The following SERTAD2 variants were observed in gnomAD, a reference collection of about 807,000 sequenced individuals.
The protein encoded by SERTAD2 is SERTA domain containing 2, also known as SERTA domain-containing protein 2.
In SERTAD2, 2 loss-of-function variants were observed where a neutral mutation model predicts 15.4. That is an observed-to-expected ratio of 0.13 (90% CI 0.05 to 0.41). The LOEUF is 0.41. Ranked by LOEUF, SERTAD2 falls within the 10% of genes least tolerant of loss-of-function variation. The probability of loss-of-function intolerance (pLI) is 0.99; values close to 1 mark genes in which losing one functional copy is unlikely to be tolerated. For synonymous variants in SERTAD2, 180 were observed against 178.0 expected (o/e 1.01, Z -0.09); for missense variants, 333 against 409.7 (o/e 0.81, Z 1.62).
rs1338673394 is a variant in SERTAD2 at position 64,634,024 on chromosome 2, T to C, written c.*1903A>G. On this transcript the variant is annotated 3_prime_UTR_variant, in exon 2 of 2. Transcript: ENST00000313349. Reference sequence around the variant, plus strand: ...GTGCCATTTTATAAAGTTGTCTTTTTTAATTAGCCAGAAAGACCCAATTTT... The same window carrying C: ...GTGCCATTTTATAAAGTTGTCTTTTCTAATTAGCCAGAAAGACCCAATTTT... 1 of 152,768 alleles carries C rather than the reference T, an allele frequency of 6.5e-6. No homozygotes were observed. The highest frequency in any genetic ancestry group is 3.4e-3 in the Middle Eastern group (1 of 294). The allele number at this position is 152,768 out of a possible 1,614,324, so 9.5% of individuals were successfully genotyped here. A position where few individuals can be genotyped will look rare whatever the true frequency, so the allele number is the denominator to read the frequency against.
At chr2:64,650,774 T>A (rs1186232653) in intron 1 of SERTAD2, among the ~76,000 whole-genome samples, 1 of 152,236 alleles carries the variant, frequency 6.6e-6, no homozygotes, top group African/African-American at 2.4e-5. Context: ...GCATATAAAG[T>A]GGCCATGGCA....
At chr2:64,644,376 T>A (rs1460267743) in intron 1 of SERTAD2, among the ~76,000 whole-genome samples, 1 of 152,228 alleles carries the variant, frequency 6.6e-6, no homozygotes, top group Non-Finnish European at 1.5e-5. Context: ...CCCAGTGCGT[T>A]TAGGACCCTG....
intron 1 of SERTAD2, among the ~76,000 whole-genome samples, chr2:64,641,520 C>T (rs1674778320): frequency 6.6e-6 from 1 of 152,154 alleles, no homozygotes; most frequent in African/African-American, 2.4e-5. Flanking sequence ...ACTTCTGTAC[C>T]CTCAGCATAA....
At chr2:64,639,678 C>T (rs987419906) in intron 1 of SERTAD2, among the ~76,000 whole-genome samples, 1 of 152,128 alleles carries the variant, frequency 6.6e-6, no homozygotes, top group Non-Finnish European at 1.5e-5. Flanking sequence ...CTGCATTTTT[C>T]TAGAAATAAT....
rs1278232721 is a variant in SERTAD2, at chr2:64,635,060, G to C, written c.*867C>G. 1 of 152,666 alleles carries C rather than the reference G, an allele frequency of 6.6e-6. No homozygotes were observed. The highest frequency in any genetic ancestry group is 1.5e-5 in the Non-Finnish European group (1 of 68,050). 9.5% of individuals were successfully genotyped at this position (152,666 alleles called of 1,614,324 possible). On this transcript the variant is annotated 3_prime_UTR_variant, in exon 2 of 2. Transcript: ENST00000313349. ...TACTGGCGGGTGTTGGTGCCAGGGG[G>C]TCAGTGCTTGTGAAATTTGGGTGTG...
Position 64,634,915 on chromosome 2 carries a change from C to A in SERTAD2, c.*1012G>T, listed in dbSNP as rs755907137. The A allele has an allele frequency of 6.6e-6, 1 of 152,652 alleles. No homozygotes were observed. The highest frequency in any genetic ancestry group is 1.5e-5 in the Non-Finnish European group (1 of 68,024). The allele number at this position is 152,652 out of a possible 1,614,324, so 9.5% of individuals were successfully genotyped here. A position where few individuals can be genotyped will look rare whatever the true frequency, so the allele number is the denominator to read the frequency against. On this transcript the variant is annotated 3_prime_UTR_variant, in exon 2 of 2. Coordinates refer to ENST00000313349, the MANE Select transcript of SERTAD2 (RefSeq NM_014755.3). Reference sequence around the variant, plus strand: ...ACTCTTAAGAAAGACAGTAGCTTTACCCTCAAAAGAGGGAGCAAAAGAGAA... The same window carrying A: ...ACTCTTAAGAAAGACAGTAGCTTTAACCTCAAAAGAGGGAGCAAAAGAGAA...
At chr2:64,640,007 C>T (rs569108162) in intron 1 of SERTAD2, among the ~76,000 whole-genome samples, 2 of 152,156 alleles carry the variant, frequency 1.3e-5, no homozygotes, top group Admixed American at 6.5e-5. Context: ...GGTGTGAATA[C>T]GGACCCCTGA....
At chr2:64,646,965 G>A (rs1056003481) in intron 1 of SERTAD2, among the ~76,000 whole-genome samples, 1 of 152,150 alleles carries the variant, frequency 6.6e-6, no homozygotes, top group Non-Finnish European at 1.5e-5. Context: ...ATAGATAGAC[G>A]CCTTTACTGG....
chr2:64,641,810 G>A (rs894054394), intron 1 of SERTAD2, among the ~76,000 whole-genome samples: 2 of 152,188 alleles, frequency 1.3e-5, no homozygotes, highest in Non-Finnish European at 1.5e-5. Flanking sequence ...AGCTCCAGCT[G>A]AGAAGCTCTT....
intron 1 of SERTAD2, among the ~76,000 whole-genome samples, chr2:64,652,346 C>T (rs1192809986): frequency 6.6e-6 from 1 of 152,090 alleles, no homozygotes; most frequent in South Asian, 2.1e-4. Flanking sequence ...CAACCCCCAT[C>T]GGCCAAGCAG....
chr2:64,644,106 GAGA>G (rs888884591), intron 1 of SERTAD2, among the ~76,000 whole-genome samples: 2 of 152,208 alleles, frequency 1.3e-5, no homozygotes, highest in African/African-American at 4.8e-5. Context: ...ATTGTCTTAT[GAGA>G]AGGCTGGCAG....
At chr2:64,641,096 T>C (rs1674766546) in intron 1 of SERTAD2, among the ~76,000 whole-genome samples, 1 of 152,242 alleles carries the variant, frequency 6.6e-6, no homozygotes, top group African/African-American at 2.4e-5. Flanking sequence ...GAGACATAAA[T>C]GAAAACTTCT....
chr2:64,643,451 G>A (rs1035885353), intron 1 of SERTAD2, among the ~76,000 whole-genome samples: 3 of 152,178 alleles, frequency 2.0e-5, no homozygotes, highest in Non-Finnish European at 4.4e-5. Flanking sequence ...ATGAGTCACC[G>A]GCCTGCACAC....
At chr2:64,641,904 G>C (rs532468199) in intron 1 of SERTAD2, among the ~76,000 whole-genome samples, 2 of 152,298 alleles carry the variant, frequency 1.3e-5, no homozygotes, top group South Asian at 4.1e-4. Context: ...ACAGGCCGTT[G>C]GGCCCCACCT....
At chr2:64,646,241 C>G (rs1674898153) in intron 1 of SERTAD2, among the ~76,000 whole-genome samples, 1 of 152,154 alleles carries the variant, frequency 6.6e-6, no homozygotes, top group Non-Finnish European at 1.5e-5. Context: ...CAAGGCGGTG[C>G]TTTGTACTCT....
Position 64,635,235 on chromosome 2 carries a change from T to C in SERTAD2, c.*692A>G, listed in dbSNP as rs1674631171. On this transcript the variant is annotated 3_prime_UTR_variant, in exon 2 of 2. Transcript: ENST00000313349. Reference sequence around the variant, plus strand: ...ACACATATAAAACATTACAACTCTATAAAAGTACAAGTGCAACTTGTACAT... The same window carrying C: ...ACACATATAAAACATTACAACTCTACAAAAGTACAAGTGCAACTTGTACAT... 2 of 152,790 alleles carry C rather than the reference T, an allele frequency of 1.3e-5. No individual in the cohort carries two copies. Among genetic ancestry groups the C allele is most frequent in the South Asian group, 4.1e-4 (2 of 4,828 alleles). 9.5% of individuals were successfully genotyped at this position (152,790 alleles called of 1,614,324 possible). A position where few individuals can be genotyped will look rare whatever the true frequency, so the allele number is the denominator to read the frequency against.
intron 1 of SERTAD2, among the ~76,000 whole-genome samples, chr2:64,647,157 G>A (rs964256216): frequency 1.3e-5 from 2 of 152,090 alleles, no homozygotes; most frequent in Non-Finnish European, 2.9e-5. Context: ...ACTACTTGCT[G>A]GGATTCTTTC....
chr2:64,641,794 C>A (rs1359053357), intron 1 of SERTAD2, among the ~76,000 whole-genome samples: 1 of 152,134 alleles, frequency 6.6e-6, no homozygotes, highest in Non-Finnish European at 1.5e-5. Flanking sequence ...ATGGAGTAGG[C>A]AGGAAAGCTC....
rs765923444 is a variant in SERTAD2 at position 64,634,857 on chromosome 2, A to T, written c.*1070T>A. Reference sequence around the variant, plus strand: ...GGGTTTTCATTAAAAAACAAAATAAAAACAATTAAAAGCGCAAACTTGGCA... The same window carrying T: ...GGGTTTTCATTAAAAAACAAAATAATAACAATTAAAAGCGCAAACTTGGCA... On this transcript the variant is annotated 3_prime_UTR_variant, in exon 2 of 2. Coordinates refer to ENST00000313349, the MANE Select transcript of SERTAD2 (RefSeq NM_014755.3). 4.6e-5 allele frequency: 7 copies of T among 152,630 alleles called. No individual in the cohort carries two copies. The highest frequency in any genetic ancestry group is 1.0e-4 in the Non-Finnish European group (7 of 68,038). 9.5% of individuals were successfully genotyped at this position (152,630 alleles called of 1,614,324 possible).
Sources: allele counts gnomAD v4.1 joint callset (sites outside exome capture counted in the v4.1 genomes callset), GRCh38; gene constraint gnomAD v4.1.1; transcripts MANE v1.5; gene names NCBI Gene and HGNC (gene_info 2026-07-23, HGNC 2026-07-21).